ZNF471: variants seen among roughly 807,000 people sequenced by gnomAD.
ZNF471 encodes zinc finger protein 471, also known as EZFIT-related protein 1.
Under a neutral mutation model 13.7 loss-of-function variants are expected in ZNF471, and 7 were observed. The ratio of observed to expected loss-of-function variants is 0.51; its 90% CI spans 0.29 to 0.96. The LOEUF is 0.96. Ranked by LOEUF, ZNF471 falls within the 40% of genes least tolerant of loss-of-function variation. The probability of loss-of-function intolerance (pLI) is 0.08; values close to 1 mark genes in which losing one functional copy is unlikely to be tolerated. For synonymous variants in ZNF471, 218 were observed against 235.6 expected, an observed-to-expected ratio of 0.93 and a Z score of 0.68; for missense variants, 663 against 743.3, an observed-to-expected ratio of 0.89 and a Z score of 1.26.
chr19:56,523,055 A>C (rs1259561624), intron 4 of ZNF471, among the ~76,000 whole-genome samples: 4 of 152,198 alleles, frequency 2.6e-5, no homozygotes, highest in Non-Finnish European at 4.4e-5. Flanking sequence ...ATAATTTTTA[A>C]AGCACATTTA....
Position 56,511,554 on chromosome 19 carries a change from C to T in ZNF471, c.-18C>T, listed in dbSNP as rs779914552. 3.1e-6 allele frequency: 5 copies of T among 1,613,700 alleles called. No homozygotes were observed. In the South Asian group the frequency reaches 3.3e-5, roughly 11 times the overall value. ...AAGACACTGTTCTTCAAGAGAAAGA[C>T]CAGAAGAGAAGGCAAAAATGAATGT... On this transcript the variant is annotated 5_prime_UTR_variant, in exon 2 of 5. Coordinates refer to ENST00000308031, the MANE Select transcript of ZNF471 (RefSeq NM_020813.4).
At chr19:56,509,841 A>G in intron 1 of ZNF471, 1 of 984,514 alleles carries the variant, frequency 1.0e-6, no homozygotes, top group Non-Finnish European at 1.2e-6. Context: ...TTGTCACCTG[A>G]GTGTGTTATC....
At chr19:56,512,132 T>C (rs1335285301) in intron 2 of ZNF471, among the ~76,000 whole-genome samples, 3 of 151,594 alleles carry the variant, frequency 2.0e-5, no homozygotes, top group Admixed American at 1.3e-4. Context: ...TAAATTTAAA[T>C]AGGTGAGAAG....
intron 2 of ZNF471, among the ~76,000 whole-genome samples, chr19:56,515,223 C>T (rs1400517283): frequency 1.3e-5 from 2 of 152,032 alleles, no homozygotes; most frequent in Non-Finnish European, 2.9e-5. Context: ...ACAGCCAAAG[C>T]TCCTCTGTCC....
Position 56,525,198 on chromosome 19 carries a change from C to G in ZNF471, c.1131C>G (p.Cys377Trp). The G allele has an allele frequency of 6.2e-7, 1 of 1,613,508 alleles. No individual in the cohort carries two copies. Among genetic ancestry groups the G allele is most frequent in the Non-Finnish European group, 8.5e-7 (1 of 1,179,858 alleles). The change falls in exon 5 of 5, where the codon TGC (cysteine) becomes TGG (tryptophan). Residue 377 changes from cysteine (C) to tryptophan (W), a missense_variant. By Grantham distance (215) the Cys-to-Trp change is radical. Transcript: ENST00000308031. Reference sequence around the variant, plus strand: ...ATACTGGAGAGAAGCCTTTTAATTGCATTGATTGTGGGAAAGCCTTCAGTG... The same window carrying G: ...ATACTGGAGAGAAGCCTTTTAATTGGATTGATTGTGGGAAAGCCTTCAGTG... Reference protein sequence around the residue: ...SYHTGEKPFNCIDCGKAFSVH... With the variant: ...SYHTGEKPFNWIDCGKAFSVH...
Position 56,524,915 on chromosome 19 carries a change from T to G in ZNF471, c.848T>G (p.Ile283Ser), listed in dbSNP as rs998860885. ...GAACACCTTATTCAGCATCAAAGAA[T>G]TCATACTGGAGAAAAACCATATAAA... Reference protein sequence around the residue: ...QSEHLIQHQRIHTGEKPYKCK... With the variant: ...QSEHLIQHQRSHTGEKPYKCK... Residue 283 changes from isoleucine to serine, a missense_variant, in exon 5 of 5, where the codon ATT (isoleucine) becomes AGT (serine). Coordinates refer to ENST00000308031, the MANE Select transcript of ZNF471 (RefSeq NM_020813.4). The surrounding 1 kb of genome is among the most constrained non-coding windows in gnomAD (Gnocchi z 4.8). 14 of 1,613,356 alleles carry G rather than the reference T, an allele frequency of 8.7e-6. No individual in the cohort carries two copies. The highest frequency in any genetic ancestry group is 1.3e-5 in the African/African-American group (1 of 74,870).
rs182648792 is a variant in ZNF471 at position 56,519,856 on chromosome 19, T to C, written c.256+1279T>C. On this transcript the variant is annotated intron_variant, in intron 4 of 4. Coordinates refer to ENST00000308031, the MANE Select transcript of ZNF471 (RefSeq NM_020813.4). ...CATTCTGAGTTGTATGACGAAGTCT[T>C]GCACCTTTCTGTTCTGTCCTGCCCA... Among the ~76,000 whole-genome samples the C allele has an allele frequency of 8.4e-3, 1,277 of 152,370 alleles. 72 individuals carry two copies. The highest frequency in any genetic ancestry group is 0.076 in the Admixed American group (1,162 of 15,308).
intron 4 of ZNF471, among the ~76,000 whole-genome samples, chr19:56,519,604 T>C (rs1461209902): frequency 2.0e-5 from 3 of 152,216 alleles, no homozygotes; most frequent in East Asian, 1.9e-4. Flanking sequence ...GGCATATCAA[T>C]ATATGCCCTT....
chr19:56,521,720 G>A (rs552948038), intron 4 of ZNF471, among the ~76,000 whole-genome samples: 1 of 151,564 alleles, frequency 6.6e-6, no homozygotes, highest in South Asian at 2.1e-4. Context: ...AGAGGCTGAG[G>A]TGGGAGGATT....
At chr19:56,511,238 T>C (rs1308388505) in intron 1 of ZNF471, among the ~76,000 whole-genome samples, 1 of 151,748 alleles carries the variant, frequency 6.6e-6, no homozygotes, top group Non-Finnish European at 1.5e-5. Context: ...AATGACTATT[T>C]TATAGGATTA....
At position 56,525,291 on chromosome 19, in the gene ZNF471, T is replaced by C. The variant is rs758676990; in HGVS notation, c.1224T>C (p.Cys408=). 57 of 1,611,622 alleles carry C rather than the reference T, an allele frequency of 3.5e-5. No individual in the cohort carries two copies. The East Asian group carries it at 1.2e-3, about 35-fold the overall frequency. ...AGAAACCTTACAAATGTGGTGTGTG[T>C]GGAAAAACCTTCAGCTCGGGTTCAT... The part of the protein sequence containing the change: ...TGEKPYKCGV[C]GKTFSSGSSR... The change falls in exon 5 of 5, where the codon TGT becomes TGC. Residue 408 remains cysteine, a synonymous_variant. Transcript: ENST00000308031.
In ZNF471 at chr19:56,518,569, C is replaced by G. The variant is rs571883054; in HGVS notation, c.248C>G (p.Pro83Arg). The change falls in exon 4 of 5, where the codon CCA becomes CGA. Residue 83 changes from proline (P) to arginine (R), a missense_variant. By Grantham distance (103) the Pro-to-Arg change is moderately radical. Coordinates refer to ENST00000308031, the MANE Select transcript of ZNF471 (RefSeq NM_020813.4). ...ATGACGAGTGAGATGACAAGAAGCC[C>G]ATTCTCAGGTGAGTGTGGAAGAACC... is the stretch of plus-strand genomic sequence containing the variant. ...WEMTSEMTRS[P>R]FSDWESIYVT... 1.2e-6 allele frequency: 2 copies of G among 1,612,922 alleles called. No individual in the cohort carries two copies. The highest frequency in any genetic ancestry group is 4.5e-5 in the East Asian group (2 of 44,816).
At position 56,528,316 on chromosome 19, in the gene ZNF471, A is replaced by G. The variant is rs1261218530; in HGVS notation, c.*2368A>G. Reference sequence around the variant, plus strand: ...ACTAAGTGCTTAGTAAATGTTAGATAAGTATTCTCCAGAATTGATGTAAAT... The same window carrying G: ...ACTAAGTGCTTAGTAAATGTTAGATGAGTATTCTCCAGAATTGATGTAAAT... On this transcript the variant is annotated 3_prime_UTR_variant, in exon 5 of 5. Coordinates refer to ENST00000308031, the MANE Select transcript of ZNF471 (RefSeq NM_020813.4). 6.6e-6 allele frequency: 1 copy of G among 152,246 alleles called. No homozygotes were observed. The highest frequency in any genetic ancestry group is 2.4e-5 in the African/African-American group (1 of 41,468). 9.4% of individuals were successfully genotyped at this position (152,246 alleles called of 1,614,324 possible). A position where few individuals can be genotyped will look rare whatever the true frequency, so the allele number is the denominator to read the frequency against.
At chr19:56,511,904 T>C (rs2043817557) in intron 2 of ZNF471, among the ~76,000 whole-genome samples, 1 of 152,244 alleles carries the variant, frequency 6.6e-6, no homozygotes, top group African/African-American at 2.4e-5. Flanking sequence ...GATATGTTAG[T>C]ACTAGTGAGT....
intron 1 of ZNF471, among the ~76,000 whole-genome samples, chr19:56,509,470 G>A (rs1350342660): frequency 6.6e-6 from 1 of 152,178 alleles, no homozygotes; most frequent in Non-Finnish European, 1.5e-5. Context: ...ACGCAAGGAG[G>A]GGGTCATAGG....
In ZNF471 at chr19:56,508,540, AAGGC is replaced by A. The variant is rs113969664; in HGVS notation, c.-56+621_-56+624del. On this transcript the variant is annotated intron_variant, in intron 1 of 4. Transcript: ENST00000308031. This position sits in a 1 kb window ranked among gnomAD's most constrained non-coding sequence, Gnocchi z 4.7. ...GAGATGGGCGTGTGCCTGTGTGTGAAAGGCCGGTCGGTCGGTGGGTGAGGCTCAA... is the reference window on the plus strand; with the variant it reads ...GAGATGGGCGTGTGCCTGTGTGTGAACGGTCGGTCGGTGGGTGAGGCTCAA... Among the ~76,000 whole-genome samples the A allele has an allele frequency of 0.023, 3,399 of 150,534 alleles. 110 individuals are homozygous for A. Among genetic ancestry groups the A allele is most frequent in the African/African-American group, 0.077 (3,143 of 40,890 alleles).
Position 56,516,124 on chromosome 19 carries a change from T to C in ZNF471, c.34-151T>C, listed in dbSNP as rs2043884562. 1.4e-6 allele frequency: 1 copy of C among 689,748 alleles called. No homozygotes were observed. The highest frequency in any genetic ancestry group is 2.4e-6 in the Non-Finnish European group (1 of 419,072). 42.7% of individuals were successfully genotyped at this position (689,748 alleles called of 1,614,324 possible). On this transcript the variant is annotated intron_variant, in intron 2 of 4. Transcript: ENST00000308031. This position sits in a 1 kb window ranked among gnomAD's most constrained non-coding sequence, Gnocchi z 4.4. Reference sequence around the variant, plus strand: ...ATTGTACCCAATGCAGTTAAACACTTCCATAAGTACTGTTTTGGCTTGGAT... The same window carrying C: ...ATTGTACCCAATGCAGTTAAACACTCCCATAAGTACTGTTTTGGCTTGGAT...
rs141175914 is a variant in ZNF471, at chr19:56,524,715, C to T, written c.648C>T (p.Thr216=). The stretch of plus-strand genomic sequence containing the variant: ...GTAATGAATGTGACAAAACCTTCAC[C>T]CATAGCTCATCCCTTACTGTTCATT... ...FKCNECDKTF[T]HSSSLTVHFR... Residue 216 remains threonine (T), a synonymous_variant, in exon 5 of 5, where the codon ACC becomes ACT. Coordinates refer to ENST00000308031, the MANE Select transcript of ZNF471 (RefSeq NM_020813.4). The surrounding 1 kb of genome is among the most constrained non-coding windows in gnomAD (Gnocchi z 4.8). 4.4e-6 allele frequency: 7 copies of T among 1,594,852 alleles called. No homozygotes were observed. Among genetic ancestry groups the T allele is most frequent in the African/African-American group, 1.4e-5 (1 of 73,600 alleles).
rs1264461945 is a variant in ZNF471, at chr19:56,508,751, CAGACTG to C, written c.-56+835_-56+840del. On this transcript the variant is annotated intron_variant, in intron 1 of 4. Transcript: ENST00000308031. This position sits in a 1 kb window ranked among gnomAD's most constrained non-coding sequence, Gnocchi z 4.7. ...GTGAGGCCGTGTTATGTGTGTCTGA[CAGACTG>C]AGAGAGACCAGAGTGTGAGACCAGG... Among the ~76,000 whole-genome samples the C allele has an allele frequency of 2.0e-5, 3 of 150,562 alleles. No individual in the cohort carries two copies. The highest frequency in any genetic ancestry group is 6.6e-5 in the Admixed American group (1 of 15,150).
Sources: gnomAD v4.1 joint callset for allele counts (sites outside exome capture counted in the v4.1 genomes callset) on GRCh38, gnomAD v4.1.1 for gene constraint, Gnocchi (gnomAD v3.1) non-coding constraint, MANE v1.5 for transcripts, NCBI Gene and HGNC (gene_info 2026-07-23, HGNC 2026-07-21) for gene names.